The following TTN variants were observed in gnomAD, a reference collection of about 807,000 sequenced individuals.
TTN encodes the protein titin.
A neutral mutation model predicts 3,223.0 loss-of-function variants in TTN; 1,525 were observed. The ratio of observed to expected loss-of-function variants is 0.47; its 90% confidence interval spans 0.45 to 0.49. The LOEUF is 0.49. TTN is among the 20% of genes least tolerant of loss of function. TTN has a pLI of 0.00. For synonymous variants in TTN, 14,094 were observed against 15,161.0 expected, an observed-to-expected ratio of 0.93 and a Z score of 5.17; for missense variants, 40,786 against 43,424.0, an observed-to-expected ratio of 0.94 and a Z score of 5.40.
At chr2:178,716,780 C>T (rs889049807) in intron 88 of TTN, among the ~76,000 whole-genome samples, 1 of 152,104 alleles carries the variant, frequency 6.6e-6, no homozygotes, top group Non-Finnish European at 1.5e-5. Flanking sequence ...GCAATAACTT[C>T]GCTTTTGTCC....
chr2:178,642,772 C>T (rs986592478), intron 218 of TTN, among the ~76,000 whole-genome samples: 2 of 151,332 alleles, frequency 1.3e-5, no homozygotes, highest in Admixed American at 1.3e-4. Context: ...CCAAGAGTTC[C>T]GGTTTGTGAC....
At chr2:178,737,902 G>A (rs2081807920) in intron 49 of TTN, 180 bp downstream of exon 49, 1 of 627,454 alleles carries the variant, frequency 1.6e-6, no homozygotes. Context: ...GTAGAAATGT[G>A]ACTGTAAATA....
Position 178,555,414 on chromosome 2 carries a change from G to A in TTN, c.88307-262C>T, listed in dbSNP as rs966046548. 9.2e-5 allele frequency: 36 copies of A among 390,988 alleles called. 1 individual carries two copies. Among genetic ancestry groups the A allele is most frequent in the South Asian group, 3.2e-4 (8 of 25,294 alleles). 24.2% of individuals were successfully genotyped at this position (390,988 alleles called of 1,614,324 possible). A position where few individuals can be genotyped will look rare whatever the true frequency, so the allele number is the denominator to read the frequency against. ...AAAGTCCATTAGTTGCTTTATTCCA[G>A]TGAAGAAATGGGATATGGTAGTGAG... On this transcript the variant is annotated intron_variant, in intron 330 of 362. Transcript: ENST00000589042.
Position 178,565,065 on chromosome 2 carries a change from C to T in TTN, c.81067G>A (p.Val27023Ile). ...RDTTTTTWHM[V>I]SATVARTTIK... ...GTTGTTCTTGCAACTGTTGCTGATA[C>T]CATGTGCCAAGTGGTGGTGGTTGTA... The change falls in exon 326 of 363, where the codon GTA becomes ATA. Residue 27023 changes from valine to isoleucine, a missense_variant. Val to Ile is a conservative substitution (Grantham distance 29). Coordinates refer to ENST00000589042, the MANE Select transcript of TTN (RefSeq NM_001267550.2). The T allele has an allele frequency of 2.5e-6, 4 of 1,613,628 alleles. No individual in the cohort carries two copies. Among genetic ancestry groups the T allele is most frequent in the Non-Finnish European group, 3.4e-6 (4 of 1,179,684 alleles).
chr2:178,662,636 T>G lies in TTN; in HGVS notation c.36875-20A>C, dbSNP rs1447731985. 9.1e-6 allele frequency: 8 copies of G among 875,064 alleles called. No homozygotes were observed. Among genetic ancestry groups the G allele is most frequent in the East Asian group, 2.8e-5 (1 of 35,476 alleles). The allele number at this position is 875,064 out of a possible 1,614,324, so 54.2% of individuals were successfully genotyped here. On this transcript the variant is annotated intron_variant, in intron 175 of 362. Transcript: ENST00000589042. ...CAGGCACTTGAAAGATATTAGTATTTTTATAATTTATGAATGGTGAAGGTA... is the reference window on the plus strand; with the variant it reads ...CAGGCACTTGAAAGATATTAGTATTGTTATAATTTATGAATGGTGAAGGTA...
rs573333701 is a variant in TTN, at chr2:178,550,438, T to C, written c.91565-165A>G. 1.8e-5 allele frequency: 11 copies of C among 601,232 alleles called. No individual in the cohort carries two copies. The South Asian group carries it at 2.6e-4, about 14-fold the overall frequency. The allele number at this position is 601,232 out of a possible 1,614,324, so 37.2% of individuals were successfully genotyped here. On this transcript the variant is annotated intron_variant, in intron 336 of 362. Coordinates refer to ENST00000589042, the MANE Select transcript of TTN (RefSeq NM_001267550.2). ...AGGATTGATAATTGAGAATTTGGAC[T>C]ATGGGGTTAAATATTTGCCTATTAT...
Position 178,729,654 on chromosome 2 carries a change from A to C in TTN, c.18589+10T>G. 1 of 1,613,682 alleles carries C rather than the reference A, an allele frequency of 6.2e-7. No individual in the cohort carries two copies. ...ACAGCCAAAATGGAGAATAGATTCCATTCACGAACCTTTCACTTTGAGTTC... is the reference window on the plus strand; with the variant it reads ...ACAGCCAAAATGGAGAATAGATTCCCTTCACGAACCTTTCACTTTGAGTTC... On this transcript the variant is annotated intron_variant, in intron 63 of 362. Transcript: ENST00000589042.
chr2:178,559,086 T>G (rs544750931), intron 326 of TTN: 1 of 385,906 alleles, frequency 2.6e-6, no homozygotes, highest in East Asian at 4.7e-5. Context: ...AATACTTAAA[T>G]TCAACATATA....
chr2:178,672,537 A>C lies in TTN; in HGVS notation c.34856-56T>G, dbSNP rs1233013457. ...TGTCGAGAGCAAGCTTTCATAGACA[A>C]AAATCATCAAAAACAATCAAGACAC... On this transcript the variant is annotated intron_variant, in intron 153 of 362. Coordinates refer to ENST00000589042, the MANE Select transcript of TTN (RefSeq NM_001267550.2). 5.0e-6 allele frequency: 8 copies of C among 1,601,670 alleles called. No homozygotes were observed. The Admixed American group carries it at 1.3e-4, about 27-fold the overall frequency.
Position 178,663,633 on chromosome 2 carries a change from C to A in TTN, c.36526G>T (p.Val12176Phe). The A allele has an allele frequency of 6.2e-7, 1 of 1,613,560 alleles. No individual in the cohort carries two copies. The highest frequency in any genetic ancestry group is 8.5e-7 in the Non-Finnish European group (1 of 1,179,702). The part of the protein sequence containing the change: ...APPKEPEVPP[V>F]KVPEAPKEVV... ...TAAAATCAGTGACAAATACCTTTAA[C>A]AGGTGGGACTTCAGGCTCTTTAGGA... The change falls in exon 171 of 363, where the codon GTT (valine) becomes TTT (phenylalanine). Residue 12176 changes from valine to phenylalanine, a missense_variant. Coordinates refer to ENST00000589042, the MANE Select transcript of TTN (RefSeq NM_001267550.2).
Position 178,681,116 on chromosome 2 carries a change from T to C in TTN, c.33303A>G (p.Lys11101=). ...GTTCAGTCACCTGCTCTTTTTCACG[T>C]TTGGTAATTGAAATACGTATTTTTT... ...FEEKIRISIT[K]REKEQVTEPA... Residue 11101 remains lysine (K), a synonymous_variant, in exon 138 of 363, where the codon AAA becomes AAG. Transcript: ENST00000589042. 1 of 1,605,204 alleles carries C rather than the reference T, an allele frequency of 6.2e-7. No individual in the cohort carries two copies. The highest frequency in any genetic ancestry group is 8.5e-7 in the Non-Finnish European group (1 of 1,177,294).
intron 127 of TTN, 100 bp from the exon 128 acceptor site, chr2:178,685,698 G>C: frequency 1.7e-6 from 2 of 1,198,178 alleles, no homozygotes; most frequent in Non-Finnish European, 2.4e-6. Flanking sequence ...AATAGCAAAA[G>C]TTTAACCCTT....
chr2:178,644,474 G>T, intron 218 of TTN, 74 bp downstream of exon 218: 1 of 1,095,736 alleles, frequency 9.1e-7, no homozygotes, highest in South Asian at 1.7e-5. Flanking sequence ...CAGAACATTC[G>T]ATGGAGGCAG....
Position 178,595,628 on chromosome 2 carries a change from A to C in TTN, c.57726T>G (p.Asn19242Lys), listed in dbSNP as rs1201568754. The change falls in exon 295 of 363, where the codon AAT becomes AAG. Residue 19242 changes from asparagine (N) to lysine (K), a missense_variant. Transcript: ENST00000589042. ...CTTGAATGAGACCCTGGACAGTAGCATTTTGTCGGGTAACTGTATATGTCA... is the reference window on the plus strand; with the variant it reads ...CTTGAATGAGACCCTGGACAGTAGCCTTTTGTCGGGTAACTGTATATGTCA... ...TPVTYTVTRQ[N>K]ATVQGLIQGK... The C allele has an allele frequency of 6.2e-7, 1 of 1,603,634 alleles. No homozygotes were observed. Among genetic ancestry groups the C allele is most frequent in the Non-Finnish European group, 8.5e-7 (1 of 1,174,746 alleles).
Position 178,631,195 on chromosome 2 carries a change from C to T in TTN, c.43853G>A (p.Trp14618Ter), listed in dbSNP as rs1559945166. Residue 14618 changes from tryptophan (W) to a stop codon, truncating the protein, a stop_gained, in exon 237 of 363, where the codon TGG becomes TAG. Coordinates refer to ENST00000589042, the MANE Select transcript of TTN (RefSeq NM_001267550.2). LOFTEE classifies it high-confidence loss of function. ...EISKADAPVKWFKDGKEIKPS... is the reference protein window; with the variant it reads ...EISKADAPVK ...CTTTATTTCCTTCCCATCCTTAAACCATTTCACTGGTGCATCTGCTTTGCT... is the reference window on the plus strand; with the variant it reads ...CTTTATTTCCTTCCCATCCTTAAACTATTTCACTGGTGCATCTGCTTTGCT... 1 of 1,613,194 alleles carries T rather than the reference C, an allele frequency of 6.2e-7. No individual in the cohort carries two copies. The highest frequency in any genetic ancestry group is 2.2e-5 in the East Asian group (1 of 44,698).
chr2:178,545,861 A>C lies in TTN; in HGVS notation c.95375T>G (p.Val31792Gly), dbSNP rs767359045. 1.2e-6 allele frequency: 2 copies of C among 1,613,834 alleles called. No homozygotes were observed. The highest frequency in any genetic ancestry group is 1.7e-6 in the Non-Finnish European group (2 of 1,179,748). ...TACAATTGGCTCTGATTCAACAGGC[A>C]CACCAGGGCCATATTTGTTTACTGC... Reference protein sequence around the residue: ...VRAVNKYGPGVPVESEPIVAR... With the variant: ...VRAVNKYGPGGPVESEPIVAR... Residue 31792 changes from valine (V) to glycine (G), a missense_variant, in exon 343 of 363, where the codon GTG (valine) becomes GGG (glycine). Val to Gly is a moderately radical substitution (Grantham distance 109). Coordinates refer to ENST00000589042, the MANE Select transcript of TTN (RefSeq NM_001267550.2).
In TTN at chr2:178,601,083, C is replaced by T; in HGVS notation, c.55821G>A (p.Gly18607=). The change falls in exon 288 of 363, where the codon GGG becomes GGA. Residue 18607 remains glycine (G), a synonymous_variant. Coordinates refer to ENST00000589042, the MANE Select transcript of TTN (RefSeq NM_001267550.2). ...CAATATAGTGGGTAACAGGGGAGCC[C>T]CCATCATTCTTCGGGGGTTTCCATG... is the stretch of plus-strand genomic sequence containing the variant. ...HLSWKPPKND[G]GSPVTHYIVE... The T allele has an allele frequency of 6.2e-7, 1 of 1,607,962 alleles. No homozygotes were observed. The highest frequency in any genetic ancestry group is 8.5e-7 in the Non-Finnish European group (1 of 1,176,840).
Position 178,714,189 on chromosome 2 carries a change from TA to T in TTN, c.26483-15del. ...TTGTTGCAGGCTCTGGAATGAAATG[TA>T]AAAGATATCCATATTTTAAACTCAA... On this transcript the variant is annotated splice_polypyrimidine_tract_variant and intron_variant, in intron 91 of 362. Transcript: ENST00000589042. The T allele has an allele frequency of 6.2e-7, 1 of 1,600,044 alleles. No individual in the cohort carries two copies.
In TTN at chr2:178,601,685, T is replaced by G. The variant is rs1044328956; in HGVS notation, c.55405A>C (p.Thr18469Pro). 13 of 1,603,368 alleles carry G rather than the reference T, an allele frequency of 8.1e-6. No individual in the cohort carries two copies. In the Admixed American group the frequency reaches 1.9e-4, roughly 23 times the overall value. Reference sequence around the variant, plus strand: ...ATGACTTTAACTCTGCAATTTGCAGTCTTTTGTCCTGCTTTATTCTTGGCT... The same window carrying G: ...ATGACTTTAACTCTGCAATTTGCAGGCTTTTGTCCTGCTTTATTCTTGGCT... ...ITAKNKAGQK[T>P]ANCRVKVMDV... is the part of the protein sequence containing the mutation. The change falls in exon 286 of 363, where the codon ACT becomes CCT. Residue 18469 changes from threonine (T) to proline (P), a missense_variant. Thr to Pro is a conservative substitution (Grantham distance 38, BLOSUM62 -1). Transcript: ENST00000589042.
Sources: allele counts gnomAD v4.1 joint callset (sites outside exome capture counted in the v4.1 genomes callset), GRCh38; gene constraint gnomAD v4.1.1; transcripts MANE v1.5; gene names NCBI Gene and HGNC (gene_info 2026-07-23, HGNC 2026-07-21).